WIPI1: variants seen among roughly 807,000 people sequenced by gnomAD.
WIPI1 encodes the protein WD repeat domain phosphoinositide-interacting protein 1.
In WIPI1, 45 loss-of-function variants were observed where a neutral mutation model predicts 55.3. The ratio of observed to expected loss-of-function variants is 0.81; its 90% CI spans 0.64 to 1.04. The LOEUF (loss-of-function observed/expected upper bound fraction) is 1.04, where lower values mean the gene tolerates loss of function less well. Among genes scored for constraint, WIPI1 ranks in the 50% least tolerant of loss-of-function variants. The probability of loss-of-function intolerance (pLI) is 0.00; values close to 1 mark genes in which losing one functional copy is unlikely to be tolerated. For missense variants in WIPI1, 445 were observed against 559.0 expected, an observed-to-expected ratio of 0.80 and a Z score of 2.06; for synonymous variants, 195 against 217.6, an observed-to-expected ratio of 0.90 and a Z score of 0.92.
chr17:68,450,856 T>A lies in WIPI1; in HGVS notation c.205A>T (p.Ser69Cys). 1 of 1,614,130 alleles carries A rather than the reference T, an allele frequency of 6.2e-7. No homozygotes were observed. The highest frequency in any genetic ancestry group is 8.5e-7 in the Non-Finnish European group (1 of 1,180,010). The part of the protein sequence containing the change: ...DVYIVERLFS[S>C]SLVVVVSHTK... The stretch of plus-strand genomic sequence containing the variant: ...TGACTGACTACCACCACCAGGCTGC[T>A]GGAGAAGAGGCGCTCCACGATGTAG... Residue 69 changes from serine (S) to cysteine (C), a missense_variant, in exon 3 of 13, where the codon AGC (serine) becomes TGC (cysteine). Coordinates refer to ENST00000262139, the MANE Select transcript of WIPI1 (RefSeq NM_017983.7).
chr17:68,426,251 G>GGGGGC, intron 11 of WIPI1, 76 bp from the exon 12 acceptor site: 2 of 825,460 alleles, frequency 2.4e-6, no homozygotes, highest in Admixed American at 2.3e-5. Context: ...GTGGGGAGCG[G>GGGGGC]GGGCTCAAAT....
At position 68,457,387 on chromosome 17, in the gene WIPI1, C is replaced by T; in HGVS notation, c.35G>A (p.Gly12Glu). The change falls in exon 1 of 13, where the codon GGG becomes GAG. Residue 12 changes from glycine to glutamate, a missense_variant. Transcript: ENST00000262139. ...GAAGCAGCTGAGCGCCGACTCAACCCCGCCCGGGGGAGCGTCCGCGGCCTC... is the reference window on the plus strand; with the variant it reads ...GAAGCAGCTGAGCGCCGACTCAACCTCGCCCGGGGGAGCGTCCGCGGCCTC... Reference protein sequence around the residue: ...EAEAADAPPGGVESALSCFSF... With the variant: ...EAEAADAPPGEVESALSCFSF... The T allele has an allele frequency of 6.5e-7, 1 of 1,537,774 alleles. No homozygotes were observed. The highest frequency in any genetic ancestry group is 8.7e-7 in the Non-Finnish European group (1 of 1,143,364).
Position 68,443,729 on chromosome 17 carries a change from C to T in WIPI1, c.430+764G>A, listed in dbSNP as rs2084173546. Among the ~76,000 whole-genome samples the T allele has an allele frequency of 2.6e-5, 4 of 152,148 alleles. No homozygotes were observed. In the South Asian group the frequency reaches 8.3e-4, roughly 31 times the overall value. ...AAATAGAAGCAGTTGTTCAATGATA[C>T]TAAACTGAAATATAATAGAAGCAGT... On this transcript the variant is annotated intron_variant, in intron 4 of 12. Transcript: ENST00000262139.
chr17:68,431,361 G>T (rs980115514), intron 8 of WIPI1, among the ~76,000 whole-genome samples: 3 of 152,040 alleles, frequency 2.0e-5, no homozygotes, highest in African/African-American at 7.2e-5. Flanking sequence ...AGGATGCTGG[G>T]GACTGAGCAT....
intron 5 of WIPI1, 128 bp from the exon 6 acceptor site, chr17:68,435,840 C>T: frequency 1.2e-6 from 1 of 819,794 alleles, no homozygotes; most frequent in Non-Finnish European, 2.0e-6. Context: ...CTCTGTCCCC[C>T]AGGCCATCTG....
intron 12 of WIPI1, among the ~76,000 whole-genome samples, chr17:68,424,984 A>AT (rs1478536054): frequency 6.6e-6 from 1 of 152,220 alleles, no homozygotes; most frequent in African/African-American, 2.4e-5. Flanking sequence ...GTTACTCCAG[A>AT]TGGGAGCCTG....
At chr17:68,441,792 G>T (rs1200490523) in intron 4 of WIPI1, among the ~76,000 whole-genome samples, 1 of 152,316 alleles carries the variant, frequency 6.6e-6, no homozygotes, top group East Asian at 1.9e-4. Context: ...GCAGTAGAAA[G>T]GGAGCTCAGG....
chr17:68,433,780 T>TG (rs2083643762), intron 7 of WIPI1, among the ~76,000 whole-genome samples: 3 of 126,078 alleles, frequency 2.4e-5, no homozygotes, highest in African/African-American at 9.5e-5. Flanking sequence ...TTTTTTTTTT[T>TG]TTTTTTTTTT....
chr17:68,446,329 C>G (rs890288034), intron 3 of WIPI1, among the ~76,000 whole-genome samples: 1 of 151,952 alleles, frequency 6.6e-6, no homozygotes, highest in African/African-American at 2.4e-5. Flanking sequence ...TACAGGTGTG[C>G]GCCACCATGC....
Position 68,435,667 on chromosome 17 carries a change from T to C in WIPI1, c.574A>G (p.Ile192Val), listed in dbSNP as rs1459750567. 2 of 1,614,134 alleles carry C rather than the reference T, an allele frequency of 1.2e-6. No homozygotes were observed. Among genetic ancestry groups the C allele is most frequent in the Non-Finnish European group, 1.7e-6 (2 of 1,180,044 alleles). ...TTGGAGCCTGAGGCATTGAAGGTGA[T>C]GGCAGCTAGTGTTCCCTCATGGGCA... is the stretch of plus-strand genomic sequence containing the variant. ...IAAHEGTLAAITFNASGSKLA... is the reference protein window; with the variant it reads ...IAAHEGTLAAVTFNASGSKLA... The change falls in exon 6 of 13, where the codon ATC (isoleucine) becomes GTC (valine). Residue 192 changes from isoleucine (I) to valine (V), a missense_variant. Physicochemically the swap from Ile to Val is conservative, Grantham distance 29. Coordinates refer to ENST00000262139, the MANE Select transcript of WIPI1 (RefSeq NM_017983.7).
At chr17:68,437,866 T>C (rs778458034) in intron 4 of WIPI1, among the ~76,000 whole-genome samples, 4 of 144,700 alleles carry the variant, frequency 2.8e-5, no homozygotes, top group African/African-American at 5.2e-5. Context: ...GAGGTGCACA[T>C]GATAGCAGTG....
At chr17:68,435,522 C>T in intron 6 of WIPI1, 98 bp downstream of exon 6, 1 of 1,171,222 alleles carries the variant, frequency 8.5e-7, no homozygotes, top group South Asian at 1.3e-5. Flanking sequence ...AGAGACCAGT[C>T]AGTCTTCATG....
At chr17:68,430,551 GAC>G (rs1416463865) in intron 8 of WIPI1, among the ~76,000 whole-genome samples, 2 of 152,202 alleles carry the variant, frequency 1.3e-5, no homozygotes, top group Non-Finnish European at 2.9e-5. Flanking sequence ...TGGAAGAACA[GAC>G]AGATCTCAAC....
chr17:68,435,501 T>C, intron 6 of WIPI1, 119 bp downstream of exon 6: 2 of 969,530 alleles, frequency 2.1e-6, no homozygotes, highest in South Asian at 2.8e-5. Flanking sequence ...AAACAAATTC[T>C]GAGTGGGCCC....
intron 1 of WIPI1, among the ~76,000 whole-genome samples, chr17:68,455,416 A>C (rs1173520185): frequency 1.3e-5 from 2 of 152,036 alleles, no homozygotes; most frequent in African/African-American, 4.8e-5. Context: ...CCAATCACGA[A>C]GTATGAGCGT....
intron 3 of WIPI1, among the ~76,000 whole-genome samples, chr17:68,445,049 T>C (rs1444405580): frequency 1.3e-5 from 2 of 151,596 alleles, no homozygotes; most frequent in Non-Finnish European, 2.9e-5. Flanking sequence ...GCCTCCTGAG[T>C]AGCTGGGATT....
In WIPI1 at chr17:68,430,036, A is replaced by G; in HGVS notation, c.925T>C (p.Leu309=). The change falls in exon 9 of 13, where the codon TTG becomes CTG. Residue 309 remains leucine (L), a synonymous_variant. Transcript: ENST00000262139. ...ATGTTCCTCTGTCCGGAGAAGTTCAAGCGTGCAGTGGCAAAAGCCCTGTCC... is the reference window on the plus strand; with the variant it reads ...ATGTTCCTCTGTCCGGAGAAGTTCAGGCGTGCAGTGGCAAAAGCCCTGTCC... ...HQDRAFATAR[L]NFSGQRNICT... is the part of the protein sequence containing the mutation. 1.2e-6 allele frequency: 2 copies of G among 1,614,188 alleles called. No homozygotes were observed. The highest frequency in any genetic ancestry group is 1.7e-6 in the Non-Finnish European group (2 of 1,180,044).
At chr17:68,443,440 G>T (rs186571054) in intron 4 of WIPI1, among the ~76,000 whole-genome samples, 40 of 152,202 alleles carry the variant, frequency 2.6e-4, no homozygotes, top group Admixed American at 2.6e-3. Flanking sequence ...ATATCCTTTT[G>T]CCATAGCTGA....
intron 11 of WIPI1, 104 bp downstream of exon 11, chr17:68,427,031 C>T: frequency 1.1e-6 from 1 of 944,538 alleles, no homozygotes; most frequent in Non-Finnish European, 1.6e-6. Context: ...GAGGGCACTC[C>T]ACCCCCAGGT....
Sources: gnomAD v4.1 joint callset for allele counts (sites outside exome capture counted in the v4.1 genomes callset) on GRCh38, gnomAD v4.1.1 for gene constraint, MANE v1.5 for transcripts, NCBI Gene and HGNC (gene_info 2026-07-23, HGNC 2026-07-21) for gene names.